The following TCF7L1 variants were observed in gnomAD, a reference collection of about 807,000 sequenced individuals.
TCF7L1 encodes transcription factor 7-like 1.
Under a neutral mutation model 63.7 loss-of-function variants are expected in TCF7L1, and 18 were observed. The ratio of observed to expected loss-of-function variants is 0.28; its 90% CI spans 0.20 to 0.42. The LOEUF (loss-of-function observed/expected upper bound fraction) is 0.42, where lower values mean the gene tolerates loss of function less well. TCF7L1 is among the 10% of genes least tolerant of loss of function. TCF7L1 has a pLI of 1.00. For synonymous variants in TCF7L1, 355 were observed against 340.9 expected, an observed-to-expected ratio of 1.04 and a Z score of -0.46; for missense variants, 654 against 779.3, an observed-to-expected ratio of 0.84 and a Z score of 1.91.
intron 3 of TCF7L1, among the ~76,000 whole-genome samples, chr2:85,254,622 T>C (rs995453519): frequency 6.6e-6 from 1 of 152,242 alleles, no homozygotes; most frequent in African/African-American, 2.4e-5. Flanking sequence ...TGTTGCTTTT[T>C]AATTGTCCTT....
At chr2:85,298,780 A>C (rs868647366) in intron 4 of TCF7L1, among the ~76,000 whole-genome samples, 2 of 151,904 alleles carry the variant, frequency 1.3e-5, no homozygotes, top group East Asian at 3.9e-4. Flanking sequence ...GGTTCCCTAC[A>C]TTCCTAGTCC....
chr2:85,149,857 G>T (rs1197357628), intron 3 of TCF7L1, among the ~76,000 whole-genome samples: 2 of 152,148 alleles, frequency 1.3e-5, no homozygotes, highest in Non-Finnish European at 2.9e-5. Context: ...TTGCAAGTAA[G>T]TTGCAGGCGT....
intron 3 of TCF7L1, among the ~76,000 whole-genome samples, chr2:85,178,056 G>T (rs561434653): frequency 6.6e-6 from 1 of 152,222 alleles, no homozygotes; most frequent in Non-Finnish European, 1.5e-5. Context: ...CAGGAGCAGG[G>T]CCCCCGAGCC....
chr2:85,304,061 C>T (rs1478504467), intron 6 of TCF7L1, 64 bp downstream of exon 6: 2 of 1,357,874 alleles, frequency 1.5e-6, no homozygotes, highest in African/African-American at 1.4e-5. Context: ...CCTCTGTGCC[C>T]TGCGCGCCCT....
intron 3 of TCF7L1, among the ~76,000 whole-genome samples, chr2:85,257,679 C>T (rs1304121304): frequency 1.3e-5 from 2 of 151,146 alleles, no homozygotes; most frequent in Non-Finnish European, 2.9e-5. Flanking sequence ...TGACTGGCTT[C>T]CCCTTGCATC....
At chr2:85,180,602 T>C (rs1359137621) in intron 3 of TCF7L1, among the ~76,000 whole-genome samples, 1 of 152,226 alleles carries the variant, frequency 6.6e-6, no homozygotes, top group Non-Finnish European at 1.5e-5. Context: ...TGGCTCATGA[T>C]GGTCTCTGCT....
At chr2:85,214,945 T>A (rs114672643) in intron 3 of TCF7L1, among the ~76,000 whole-genome samples, 3,407 of 152,274 alleles carry the variant, frequency 0.022, 127 homozygotes, top group African/African-American at 0.078. Context: ...AAAAACCTGA[T>A]TTGGTTCAGT....
chr2:85,274,061 A>C (rs1681216400), intron 3 of TCF7L1, among the ~76,000 whole-genome samples: 2 of 152,140 alleles, frequency 1.3e-5, no homozygotes, highest in Admixed American at 1.3e-4. Context: ...ACACAGCGAC[A>C]GGGGAGAGAC....
chr2:85,143,415 G>C (rs1395145640), intron 3 of TCF7L1, among the ~76,000 whole-genome samples: 1 of 152,134 alleles, frequency 6.6e-6, no homozygotes, highest in Admixed American at 6.5e-5. Flanking sequence ...TAAAATGGCT[G>C]CTCCGGCTGC....
intron 4 of TCF7L1, among the ~76,000 whole-genome samples, chr2:85,284,585 G>A (rs1431905640): frequency 2.0e-5 from 3 of 152,114 alleles, no homozygotes. Context: ...CTGGGTGCTT[G>A]GGTCAACACT....
At chr2:85,150,484 G>A (rs1470019067) in intron 3 of TCF7L1, among the ~76,000 whole-genome samples, 1 of 151,846 alleles carries the variant, frequency 6.6e-6, no homozygotes, top group African/African-American at 2.4e-5. Flanking sequence ...CACCCGCCTT[G>A]GCCTCCCAAA....
intron 3 of TCF7L1, among the ~76,000 whole-genome samples, chr2:85,272,161 A>G (rs1380048701): frequency 6.6e-6 from 1 of 152,184 alleles, no homozygotes; most frequent in East Asian, 1.9e-4. Context: ...GGTTCAAAAA[A>G]TGTCCAGAAG....
intron 3 of TCF7L1, among the ~76,000 whole-genome samples, chr2:85,268,880 C>A (rs1681077117): frequency 1.3e-5 from 2 of 151,948 alleles, no homozygotes; most frequent in African/African-American, 2.4e-5. Context: ...GGGTGTGTGA[C>A]CGACCTGGAG....
At chr2:85,249,365 C>T (rs1003692962) in intron 3 of TCF7L1, among the ~76,000 whole-genome samples, 2 of 152,042 alleles carry the variant, frequency 1.3e-5, no homozygotes, top group South Asian at 2.1e-4. Flanking sequence ...TTTGCTCTGG[C>T]GACACCAGTT....
At chr2:85,211,497 G>A (rs1679539382) in intron 3 of TCF7L1, among the ~76,000 whole-genome samples, 1 of 152,242 alleles carries the variant, frequency 6.6e-6, no homozygotes, top group Non-Finnish European at 1.5e-5. Context: ...GGATCTCCAT[G>A]AAGGTAAGTC....
At position 85,134,710 on chromosome 2, in the gene TCF7L1, AGAATTCTTC is replaced by A. The variant is rs762235238; in HGVS notation, c.441+262_441+270del. Reference sequence around the variant, plus strand: ...ACCTCTGGGATCTTCCTTGGCCTCCAGAATTCTTCGCCTGCACCGAAGGAAACTTGGATT... The same window carrying A: ...ACCTCTGGGATCTTCCTTGGCCTCCAGCCTGCACCGAAGGAAACTTGGATT... On this transcript the variant is annotated intron_variant, in intron 3 of 11. Transcript: ENST00000282111. This position sits in a 1 kb window ranked among gnomAD's most constrained non-coding sequence, Gnocchi z 5.0. Among the ~76,000 whole-genome samples the A allele has an allele frequency of 5.9e-5, 9 of 152,348 alleles. No individual in the cohort carries two copies. The South Asian group carries it at 6.2e-4, about 11-fold the overall frequency.
chr2:85,134,843 G>C lies in TCF7L1; in HGVS notation c.441+393G>C, dbSNP rs1215163306. ...CCTAGGGAGCTGGGTTGGCGACGTT[G>C]TCCTCCGACTCCGGGTTCACTGGGC... On this transcript the variant is annotated intron_variant, in intron 3 of 11. Transcript: ENST00000282111. This position sits in a 1 kb window ranked among gnomAD's most constrained non-coding sequence, Gnocchi z 5.0. Among the ~76,000 whole-genome samples the C allele has an allele frequency of 6.6e-6, 1 of 152,134 alleles. No homozygotes were observed. Among genetic ancestry groups the C allele is most frequent in the South Asian group, 2.1e-4 (1 of 4,822 alleles).
At chr2:85,153,771 C>T (rs981875549) in intron 3 of TCF7L1, among the ~76,000 whole-genome samples, 4 of 152,180 alleles carry the variant, frequency 2.6e-5, no homozygotes, top group Admixed American at 1.3e-4. Context: ...TTTTGATGAT[C>T]ATTGTCGCTA....
At chr2:85,289,350 C>G (rs1342643014) in intron 4 of TCF7L1, among the ~76,000 whole-genome samples, 1 of 152,092 alleles carries the variant, frequency 6.6e-6, no homozygotes, top group Non-Finnish European at 1.5e-5. Context: ...GCCAGAGACC[C>G]AGAGACCAGG....
Sources: gnomAD v4.1 joint callset for allele counts (sites outside exome capture counted in the v4.1 genomes callset) on GRCh38, gnomAD v4.1.1 for gene constraint, Gnocchi (gnomAD v3.1) non-coding constraint, MANE v1.5 for transcripts, NCBI Gene and HGNC (gene_info 2026-07-23, HGNC 2026-07-21) for gene names.